Variants in MDFIC2 observed in about 807,000 individuals in gnomAD.
The protein encoded by MDFIC2 is MyoD family inhibitor domain containing 2.
At chr3:70,240,401 T>C (rs1701655954) in intron 2 of MDFIC2, among the ~76,000 whole-genome samples, 1 of 152,118 alleles carries the variant, frequency 6.6e-6, no homozygotes, top group South Asian at 2.1e-4. Flanking sequence ...TTTTTTGTCT[T>C]TGTTTAGACA....
chr3:70,285,885 G>A lies in MDFIC2; in HGVS notation c.88+26001C>T, dbSNP rs1268496419. Among the ~76,000 whole-genome samples the A allele has an allele frequency of 3.3e-4, 48 of 147,446 alleles. No individual in the cohort carries two copies. The South Asian group carries it at 3.4e-3, about 10-fold the overall frequency. ...TGAGAAGTGTCTGTTCATGTCCTTC[G>A]CCCACTTTTTGATGGGGTTGTTTGT... On this transcript the variant is annotated intron_variant, in intron 2 of 3. Transcript: ENST00000567252.
Position 70,195,890 on chromosome 3 carries a change from A to G in MDFIC2, c.*1036T>C, listed in dbSNP as rs997461802. Among the ~76,000 whole-genome samples the G allele has an allele frequency of 6.6e-6, 1 of 152,138 alleles. No individual in the cohort carries two copies. Among genetic ancestry groups the G allele is most frequent in the Non-Finnish European group, 1.5e-5 (1 of 68,012 alleles). On this transcript the variant is annotated 3_prime_UTR_variant, in exon 4 of 4. Transcript: ENST00000567252. ...CGAAAATCACTTTCCAGTCTATATCACATCTTTTTCTTAAAAAAATAAGTA... is the reference window on the plus strand; with the variant it reads ...CGAAAATCACTTTCCAGTCTATATCGCATCTTTTTCTTAAAAAAATAAGTA...
At chr3:70,262,960 A>G (rs973862368) in intron 2 of MDFIC2, among the ~76,000 whole-genome samples, 3 of 152,078 alleles carry the variant, frequency 2.0e-5, no homozygotes, top group African/African-American at 4.8e-5. Context: ...TCCTATCTGT[A>G]TTGTCTAACC....
intron 2 of MDFIC2, among the ~76,000 whole-genome samples, chr3:70,272,765 G>C (rs941794833): frequency 6.6e-6 from 1 of 152,072 alleles, no homozygotes; most frequent in Non-Finnish European, 1.5e-5. Context: ...AATTCCCCTT[G>C]CTTTCTTTCC....
chr3:70,273,844 C>G (rs2106674264), intron 2 of MDFIC2, among the ~76,000 whole-genome samples: 1 of 152,136 alleles, frequency 6.6e-6, no homozygotes, highest in Non-Finnish European at 1.5e-5. Context: ...ACTTTATTGC[C>G]TAGGCTGGAG....
chr3:70,238,700 C>T (rs1369629719), intron 2 of MDFIC2, among the ~76,000 whole-genome samples: 1 of 151,998 alleles, frequency 6.6e-6, no homozygotes, highest in Non-Finnish European at 1.5e-5. Context: ...GCCACAGGGA[C>T]AAATTCCAAA....
At chr3:70,236,749 C>T (rs914882740) in intron 2 of MDFIC2, among the ~76,000 whole-genome samples, 4 of 152,224 alleles carry the variant, frequency 2.6e-5, no homozygotes, top group African/African-American at 9.6e-5. Context: ...GTGCATGCCA[C>T]CATGGCTGGC....
At chr3:70,220,739 T>C (rs1403071) in intron 2 of MDFIC2, among the ~76,000 whole-genome samples, 49,483 of 152,116 alleles carry the variant, frequency 0.33, 10,462 homozygotes, top group Non-Finnish European at 0.46. Context: ...AGTGAAAATA[T>C]GGGGATGAAT....
At chr3:70,229,155 T>C (rs970388965) in intron 2 of MDFIC2, among the ~76,000 whole-genome samples, 5 of 152,144 alleles carry the variant, frequency 3.3e-5, no homozygotes, top group African/African-American at 4.8e-5. Flanking sequence ...TTTGTAAACT[T>C]TACCACAATT....
chr3:70,239,486 T>A (rs972947560), intron 2 of MDFIC2, among the ~76,000 whole-genome samples: 1 of 151,866 alleles, frequency 6.6e-6, no homozygotes, highest in Non-Finnish European at 1.5e-5. Flanking sequence ...CATGGTTTGA[T>A]CATTATTGTT....
At chr3:70,282,126 G>A (rs74678924) in intron 2 of MDFIC2, among the ~76,000 whole-genome samples, 6,683 of 152,124 alleles carry the variant, frequency 0.044, 221 homozygotes, top group South Asian at 0.078. Context: ...TGGGGAAATG[G>A]GTCAGGGAAC....
chr3:70,275,830 C>A (rs1353369187), intron 2 of MDFIC2, among the ~76,000 whole-genome samples: 2 of 152,122 alleles, frequency 1.3e-5, no homozygotes, highest in Non-Finnish European at 2.9e-5. Context: ...AAAATAAGAA[C>A]TTTTCTGCTA....
intron 2 of MDFIC2, among the ~76,000 whole-genome samples, chr3:70,276,490 G>T (rs967729523): frequency 1.3e-4 from 20 of 152,052 alleles, no homozygotes; most frequent in African/African-American, 4.6e-4. Flanking sequence ...GCTGTCCAGT[G>T]AATTATACGA....
intron 2 of MDFIC2, among the ~76,000 whole-genome samples, chr3:70,296,173 C>T (rs1029567181): frequency 1.3e-5 from 2 of 152,070 alleles, no homozygotes; most frequent in Admixed American, 6.6e-5. Flanking sequence ...AAACATAAAA[C>T]GAATGAGTCT....
chr3:70,199,868 G>A (rs2106719024), intron 3 of MDFIC2, among the ~76,000 whole-genome samples: 1 of 152,122 alleles, frequency 6.6e-6, no homozygotes, highest in Middle Eastern at 3.4e-3. Flanking sequence ...ATATGCTATT[G>A]CCTGCTGCAC....
intron 1 of MDFIC2, 86 bp from the exon 2 acceptor site, chr3:70,312,059 C>G (rs1328658518): frequency 7.6e-6 from 3 of 394,130 alleles, no homozygotes; most frequent in Non-Finnish European, 1.3e-5. Context: ...AAACTACTGC[C>G]ATATTATGGG....
At chr3:70,257,712 A>G (rs1198276817) in intron 2 of MDFIC2, among the ~76,000 whole-genome samples, 1 of 152,202 alleles carries the variant, frequency 6.6e-6, no homozygotes, top group African/African-American at 2.4e-5. Context: ...GGAAGACTCA[A>G]TACTGTTAGC....
At chr3:70,211,525 C>T (rs1298015298) in intron 2 of MDFIC2, among the ~76,000 whole-genome samples, 30 of 24,302 alleles carry the variant, frequency 1.2e-3, no homozygotes, top group East Asian at 9.0e-3. Context: ...CTTCCCTTCC[C>T]TTCCCTTTGC....
Position 70,206,768 on chromosome 3 carries a change from C to T in MDFIC2, c.111G>A (p.Lys37=). ...CATTAATGGGTTTCTCATCTGCATGCTTTGCATTCGTGAGTTGCGTATCTA... is the reference window on the plus strand; with the variant it reads ...CATTAATGGGTTTCTCATCTGCATGTTTTGCATTCGTGAGTTGCGTATCTA... ...LKEDTQLTNA[K]HADEKPINAI... is the part of the protein sequence containing the mutation. Residue 37 remains lysine, a synonymous_variant, in exon 3 of 4, where the codon AAG becomes AAA. Coordinates refer to ENST00000567252, the MANE Select transcript of MDFIC2 (RefSeq NM_001364677.1). 1 of 397,616 alleles carries T rather than the reference C, an allele frequency of 2.5e-6. No homozygotes were observed. The allele number at this position is 397,616 out of a possible 1,614,324, so 24.6% of individuals were successfully genotyped here. A position where few individuals can be genotyped will look rare whatever the true frequency, so the allele number is the denominator to read the frequency against.
Sources: gnomAD v4.1 joint callset for allele counts (sites outside exome capture counted in the v4.1 genomes callset) on GRCh38, gnomAD v4.1.1 for gene constraint, MANE v1.5 for transcripts, NCBI Gene and HGNC (gene_info 2026-07-23, HGNC 2026-07-21) for gene names.